Variants in OSBPL5 observed in about 807,000 individuals in gnomAD.
OSBPL5 encodes oxysterol-binding protein-related protein 5.
OSBPL5 carries 71 observed loss-of-function variants against 111.2 expected under a neutral mutation model. The observed-to-expected ratio is 0.64, with a 90% CI of 0.53 to 0.78. The LOEUF is 0.78. OSBPL5 is among the 30% of genes least tolerant of loss of function. The pLI, the probability that OSBPL5 is intolerant of heterozygous loss-of-function variation, is 0.00. For synonymous variants in OSBPL5, 549 were observed against 513.9 expected (o/e 1.07, Z -0.93); for missense variants, 1,210 against 1,189.3 (o/e 1.02, Z -0.26).
At chr11:3,103,838 C>A (rs199808123) in intron 10 of OSBPL5, among the ~76,000 whole-genome samples, 44 of 86,554 alleles carry the variant, frequency 5.1e-4, no homozygotes, top group African/African-American at 1.2e-3. Flanking sequence ...CTTCCAGCCT[C>A]TGCAGCCCCT....
At chr11:3,103,141 G>A in intron 11 of OSBPL5, 98 bp downstream of exon 11, 1 of 1,050,262 alleles carries the variant, frequency 9.5e-7, no homozygotes, top group Non-Finnish European at 1.4e-6. Flanking sequence ...TGTGGGGTAG[G>A]GGGTGGCCCG....
In OSBPL5 at chr11:3,105,452, T is replaced by A. The variant is rs918048376; in HGVS notation, c.1060-1075A>T. On this transcript the variant is annotated intron_variant, in intron 9 of 21. Coordinates refer to ENST00000263650, the MANE Select transcript of OSBPL5 (RefSeq NM_020896.4). This position sits in a 1 kb window ranked among gnomAD's most constrained non-coding sequence, Gnocchi z 5.2. The stretch of plus-strand genomic sequence containing the variant: ...AGGGGTCATGGGGAGCCCAGTGCTG[T>A]AGCTTTGGGGCTTGGAAATCATGGG... Among the ~76,000 whole-genome samples, 1 of 152,158 alleles carries A rather than the reference T, an allele frequency of 6.6e-6. No individual in the cohort carries two copies. Among genetic ancestry groups the A allele is most frequent in the Non-Finnish European group, 1.5e-5 (1 of 68,004 alleles).
chr11:3,097,268 C>T (rs1200057368), intron 14 of OSBPL5, among the ~76,000 whole-genome samples: 4 of 151,894 alleles, frequency 2.6e-5, no homozygotes, highest in Admixed American at 1.3e-4. Flanking sequence ...AGATTTTTTC[C>T]GAGACATTTC....
chr11:3,108,140 G>C (rs796086504), intron 7 of OSBPL5, among the ~76,000 whole-genome samples, 195 bp from the exon 8 acceptor site: 6 of 152,258 alleles, frequency 3.9e-5, no homozygotes, highest in African/African-American at 1.2e-4. Context: ...CAGATTGTGT[G>C]GGGGCAGACA....
chr11:3,119,878 C>T (rs1858343101), intron 6 of OSBPL5: 1 of 519,496 alleles, frequency 1.9e-6, no homozygotes, highest in Non-Finnish European at 3.4e-6. Flanking sequence ...TCTGAGCCTC[C>T]TGACTTGGGC....
In OSBPL5 at chr11:3,090,688, G is replaced by A; in HGVS notation, c.2268C>T (p.Gly756=). The A allele has an allele frequency of 6.2e-7, 1 of 1,611,076 alleles. No homozygotes were observed. The highest frequency in any genetic ancestry group is 1.1e-5 in the South Asian group (1 of 90,782). ...TGGCCTTGCGAAGCCGCTGGTCTGGGCCAGACCTCTGCAGAGAAATGGAGC... is the reference window on the plus strand; with the variant it reads ...TGGCCTTGCGAAGCCGCTGGTCTGGACCAGACCTCTGCAGAGAAATGGAGC... ...GSPGPRHERS[G]PDQRLRKASD... is the part of the protein sequence containing the mutation. Residue 756 remains glycine (G), a synonymous_variant, in exon 20 of 22, where the codon GGC becomes GGT. Transcript: ENST00000263650.
At chr11:3,093,912 G>T in intron 15 of OSBPL5, 77 bp from the exon 16 acceptor site, 1 of 1,505,936 alleles carries the variant, frequency 6.6e-7, no homozygotes, top group South Asian at 1.2e-5. Flanking sequence ...TGGGGGCACG[G>T]AACAGTTATT....
chr11:3,156,834 C>T (rs1009638), intron 1 of OSBPL5, among the ~76,000 whole-genome samples: 67,653 of 152,172 alleles, frequency 0.44, 15,479 homozygotes, highest in Non-Finnish European at 0.47. Context: ...CACCACGTCC[C>T]GAGGCACCTC....
rs7126123 is a variant in OSBPL5, at chr11:3,103,176, C to T, written c.1326+63G>A. The T allele has an allele frequency of 9.7e-3, 14,063 of 1,451,824 alleles. 1,148 individuals are homozygous for T. In the African/African-American group the frequency reaches 0.18, roughly 18 times the overall value. The allele number at this position is 1,451,824 out of a possible 1,614,324, so 89.9% of individuals were successfully genotyped here. A position where few individuals can be genotyped will look rare whatever the true frequency, so the allele number is the denominator to read the frequency against. Reference sequence around the variant, plus strand: ...GGGGACTCAGGGAAGTGCCAAGGGACGAGGGCTGAGCAGACAGACTCCTGG... The same window carrying T: ...GGGGACTCAGGGAAGTGCCAAGGGATGAGGGCTGAGCAGACAGACTCCTGG... On this transcript the variant is annotated intron_variant, in intron 11 of 21. Transcript: ENST00000263650.
chr11:3,103,162 G>C, intron 11 of OSBPL5, 77 bp downstream of exon 11: 1 of 1,335,706 alleles, frequency 7.5e-7, no homozygotes, highest in Non-Finnish European at 1.0e-6. Flanking sequence ...GGGACTCAGG[G>C]AAGTGCCAAG....
intron 10 of OSBPL5, among the ~76,000 whole-genome samples, chr11:3,103,668 C>CCCCCTTCCAGCCTCTGCAG: frequency 6.7e-6 from 1 of 149,806 alleles, no homozygotes; most frequent in Non-Finnish European, 1.5e-5. Context: ...GCCTCTGTTG[C>CCCCCTTCCAGCCTCTGCAG]CCCCTTCCAG....
At chr11:3,137,363 T>C (rs1248828998) in intron 1 of OSBPL5, among the ~76,000 whole-genome samples, 2 of 152,194 alleles carry the variant, frequency 1.3e-5, no homozygotes, top group Non-Finnish European at 2.9e-5. Context: ...CTGGGGGGCT[T>C]GGGACATGCG....
intron 1 of OSBPL5, among the ~76,000 whole-genome samples, chr11:3,156,831 T>C (rs948333741): frequency 3.3e-5 from 5 of 152,182 alleles, no homozygotes; most frequent in Non-Finnish European, 1.5e-5. Context: ...TCCCACCACG[T>C]CCCGAGGCAC....
At position 3,092,873 on chromosome 11, in the gene OSBPL5, T is replaced by A; in HGVS notation, c.2126A>T (p.Tyr709Phe). 6.5e-7 allele frequency: 1 copy of A among 1,540,960 alleles called. No homozygotes were observed. Among genetic ancestry groups the A allele is most frequent in the South Asian group, 1.2e-5 (1 of 83,058 alleles). ...GGGCTTTGTCGGCACTCACTCCTCGTATCGGTAGTGCCACTCCTGGGTGAT... is the reference window on the plus strand; with the variant it reads ...GGGCTTTGTCGGCACTCACTCCTCGAATCGGTAGTGCCACTCCTGGGTGAT... ...DPITQEWHYR[Y>F]EDHSPWDPLK... Residue 709 changes from tyrosine to phenylalanine, a missense_variant, in exon 18 of 22, where the codon TAC (tyrosine) becomes TTC (phenylalanine). Tyr to Phe is a conservative substitution (Grantham distance 22, BLOSUM62 3). Coordinates refer to ENST00000263650, the MANE Select transcript of OSBPL5 (RefSeq NM_020896.4). The surrounding 1 kb of genome is among the most constrained non-coding windows in gnomAD (Gnocchi z 5.4).
intron 1 of OSBPL5, among the ~76,000 whole-genome samples, chr11:3,131,508 TATCCATCCATCCACCCATTCATCCATCC>T (rs1858831460): frequency 8.0e-6 from 1 of 124,510 alleles, no homozygotes; most frequent in African/African-American, 3.2e-5. Flanking sequence ...TCCTCCCATC[TATCCATCCATCCACCCATTCATCCATCC>T]ATCCATCCAT....
intron 1 of OSBPL5, among the ~76,000 whole-genome samples, chr11:3,153,177 G>A (rs1044391783): frequency 2.0e-5 from 3 of 152,210 alleles, no homozygotes; most frequent in South Asian, 2.1e-4. Flanking sequence ...TCACCTCTCC[G>A]AGCCCCAGTG....
chr11:3,127,959 C>A (rs957210328), intron 2 of OSBPL5, among the ~76,000 whole-genome samples: 1 of 152,232 alleles, frequency 6.6e-6, no homozygotes, highest in South Asian at 2.1e-4. Flanking sequence ...AACTGACCAG[C>A]AGCTGGGACC....
chr11:3,118,290 A>G (rs1241181703), intron 7 of OSBPL5, among the ~76,000 whole-genome samples: 1 of 152,230 alleles, frequency 6.6e-6, no homozygotes, highest in African/African-American at 2.4e-5. Flanking sequence ...TCACTGAGAT[A>G]AATGCAGATC....
chr11:3,138,144 C>T (rs1449797243), intron 1 of OSBPL5, among the ~76,000 whole-genome samples: 2 of 152,220 alleles, frequency 1.3e-5, no homozygotes, highest in Non-Finnish European at 2.9e-5. Context: ...CGGCCCTGTC[C>T]ACCTGTCCTC....
Sources: gnomAD v4.1 joint callset for allele counts (sites outside exome capture counted in the v4.1 genomes callset) on GRCh38, gnomAD v4.1.1 for gene constraint, Gnocchi (gnomAD v3.1) non-coding constraint, MANE v1.5 for transcripts, NCBI Gene and HGNC (gene_info 2026-07-23, HGNC 2026-07-21) for gene names.